Variants in TUBB8 observed in about 807,000 individuals in gnomAD.
The protein encoded by TUBB8 is tubulin beta 8 class VIII.
Under a neutral mutation model 33.7 loss-of-function variants are expected in TUBB8, and 25 were observed. That is an observed-to-expected ratio of 0.74 (90% CI 0.54 to 1.04). The LOEUF (loss-of-function observed/expected upper bound fraction) is 1.04. TUBB8 is among the 50% of genes least tolerant of loss of function. TUBB8 has a pLI of 0.00. For missense variants in TUBB8, 279 were observed against 608.0 expected, an observed-to-expected ratio of 0.46 and a Z score of 5.69; for synonymous variants, 245 against 240.1, an observed-to-expected ratio of 1.02 and a Z score of -0.19.
At chr10:50,938 GC>G (rs1284324602), upstream of TUBB8, among the ~76,000 whole-genome samples, 2 of 152,108 alleles carry the variant, frequency 1.3e-5, no homozygotes, top group Non-Finnish European at 2.9e-5. Flanking sequence ...CTTATGTCTG[GC>G]CTGCTAGAAT....
chr10:74,487 C>T (rs1227603857), upstream of TUBB8, among the ~76,000 whole-genome samples: 6 of 151,258 alleles, frequency 4.0e-5, no homozygotes, highest in African/African-American at 1.5e-4. Context: ...ATTATCTGGG[C>T]GTGTTGGCAC....
intron 1 of TUBB8, among the ~76,000 whole-genome samples, chr10:69,818 G>C (rs1294183704): frequency 1.3e-5 from 2 of 152,196 alleles, no homozygotes; most frequent in Non-Finnish European, 2.9e-5. Context: ...GATGGCTCGA[G>C]CCCGGGAGGA....
At chr10:62,674 C>G (rs1834618309) in intron 1 of TUBB8, among the ~76,000 whole-genome samples, 1 of 152,220 alleles carries the variant, frequency 6.6e-6, no homozygotes. Context: ...TAGGACAGGT[C>G]TGGTGTTAAT....
chr10:48,588 G>C (rs782391027), intron 3 of TUBB8, 27 bp downstream of exon 3: 8 of 1,586,318 alleles, frequency 5.0e-6, no homozygotes, highest in South Asian at 2.2e-5. Flanking sequence ...CTAAGGAGCC[G>C]CACCCCAGTC....
intron 1 of TUBB8, among the ~76,000 whole-genome samples, chr10:63,976 C>T (rs1365871628): frequency 2.0e-5 from 3 of 152,142 alleles, no homozygotes; most frequent in African/African-American, 4.8e-5. Context: ...GTCCCAAGCC[C>T]AATACACAGT....
At chr10:75,229 C>A (rs1588283805), upstream of TUBB8, among the ~76,000 whole-genome samples, 1 of 151,760 alleles carries the variant, frequency 6.6e-6, no homozygotes, top group East Asian at 1.9e-4. Context: ...GGTGCCTATA[C>A]TCCTAACTAC....
chr10:75,216 G>T (rs1398678082), upstream of TUBB8, among the ~76,000 whole-genome samples: 1 of 151,758 alleles, frequency 6.6e-6, no homozygotes, highest in Non-Finnish European at 1.5e-5. Flanking sequence ...GTGCATGGTG[G>T]CTGGTGCCTA....
chr10:48,400 G>C, intron 3 of TUBB8: 2 of 642,004 alleles, frequency 3.1e-6, no homozygotes, highest in Non-Finnish European at 5.5e-6. Flanking sequence ...GTTCTTGCAG[G>C]GAGTTTACAT....
upstream of TUBB8, among the ~76,000 whole-genome samples, chr10:74,438 C>T (rs1371380034): frequency 1.3e-5 from 2 of 149,648 alleles, no homozygotes; most frequent in African/African-American, 4.9e-5. Context: ...ACCATTCTGG[C>T]CAACATGGTA....
At chr10:57,393 G>T (rs1554740277) in intron 1 of TUBB8, among the ~76,000 whole-genome samples, 1 of 152,212 alleles carries the variant, frequency 6.6e-6, no homozygotes, top group Non-Finnish European at 1.5e-5. Context: ...TTTCTTCTCT[G>T]CATTGTTTTA....
chr10:72,703 A>G (rs1172140835), intron 1 of TUBB8, among the ~76,000 whole-genome samples: 6 of 151,992 alleles, frequency 3.9e-5, no homozygotes, highest in African/African-American at 1.5e-4. Flanking sequence ...ATACAAAAAA[A>G]TTAGCAGGGC....
chr10:66,199 A>G (rs1157928502), intron 1 of TUBB8, among the ~76,000 whole-genome samples: 1 of 152,246 alleles, frequency 6.6e-6, no homozygotes, highest in African/African-American at 2.4e-5. Flanking sequence ...ACAAATGGCT[A>G]CTCACAGATC....
intron 1 of TUBB8, among the ~76,000 whole-genome samples, chr10:73,114 T>C (rs1292759830): frequency 7.2e-5 from 11 of 152,250 alleles, no homozygotes; most frequent in African/African-American, 2.7e-4. Flanking sequence ...CCATTACAAA[T>C]ACACTGCAAA....
At chr10:70,073 C>T (rs1173727833) in intron 1 of TUBB8, among the ~76,000 whole-genome samples, 1 of 152,166 alleles carries the variant, frequency 6.6e-6, no homozygotes, top group African/African-American at 2.4e-5. Context: ...ATTTCTATTA[C>T]TGGAGAGCCA....
At position 47,906 on chromosome 10, in the gene TUBB8, C is replaced by G; in HGVS notation, c.486G>C (p.Arg162Ser). The change falls in exon 4 of 4, where the codon AGG (arginine) becomes AGC (serine). Residue 162 changes from arginine to serine, a missense_variant. Transcript: ENST00000568584. ...GCAGGATGCTGAATGTGTTTATGAT[C>G]CTGTCTGGGTACTCCTCCCGGATCT... is the stretch of plus-strand genomic sequence containing the variant. ...LSKIREEYPD[R>S]IINTFSILPS... 3 of 1,614,190 alleles carry G rather than the reference C, an allele frequency of 1.9e-6. No homozygotes were observed. The highest frequency in any genetic ancestry group is 2.5e-6 in the Non-Finnish European group (3 of 1,180,046).
At chr10:74,625 C>CA (rs35723619), upstream of TUBB8, among the ~76,000 whole-genome samples, 459 of 89,632 alleles carry the variant, frequency 5.1e-3, 4 homozygotes, top group East Asian at 0.03. Context: ...GACTCAGTAT[C>CA]AAAAAAAAAA....
At chr10:58,849 TATA>T (rs1554740507) in intron 1 of TUBB8, among the ~76,000 whole-genome samples, 1 of 152,238 alleles carries the variant, frequency 6.6e-6, no homozygotes, top group Non-Finnish European at 1.5e-5. Flanking sequence ...TTTTTCCAAA[TATA>T]AGATTATATC....
At chr10:65,246 G>A (rs372726168) in intron 1 of TUBB8, among the ~76,000 whole-genome samples, 81 of 152,250 alleles carry the variant, frequency 5.3e-4, no homozygotes, top group African/African-American at 1.9e-3. Context: ...ACTCTTCCCC[G>A]CAATTCCTCA....
upstream of TUBB8, among the ~76,000 whole-genome samples, chr10:76,233 A>G (rs1340323122): frequency 6.6e-6 from 1 of 151,064 alleles, no homozygotes; most frequent in Non-Finnish European, 1.5e-5. Flanking sequence ...CAGCCTCCCG[A>G]CCGACGGCAC....
Sources: allele counts gnomAD v4.1 joint callset (sites outside exome capture counted in the v4.1 genomes callset), GRCh38; gene constraint gnomAD v4.1.1; transcripts MANE v1.5; gene names NCBI Gene and HGNC (gene_info 2026-07-23, HGNC 2026-07-21).